GRB10: variants seen among roughly 807,000 people sequenced by gnomAD.
The protein encoded by GRB10 is growth factor receptor bound protein 10.
A neutral mutation model predicts 80.9 loss-of-function variants in GRB10; 20 were observed. The observed-to-expected ratio is 0.25, with a 90% CI of 0.17 to 0.36. The LOEUF (loss-of-function observed/expected upper bound fraction) is 0.36, where lower values mean the gene tolerates loss of function less well. Ranked by LOEUF, GRB10 falls within the 10% of genes least tolerant of loss-of-function variation. The probability of loss-of-function intolerance (pLI) is 1.00; values close to 1 mark genes in which losing one functional copy is unlikely to be tolerated. For synonymous variants in GRB10, 291 were observed against 291.5 expected (o/e 1.00, Z 0.02); for missense variants, 548 against 747.7 (o/e 0.73, Z 3.12).
intron 18 of GRB10, among the ~76,000 whole-genome samples, chr7:50,593,997 T>C (rs892369061): frequency 6.6e-6 from 1 of 151,992 alleles, no homozygotes; most frequent in African/African-American, 2.4e-5. Flanking sequence ...TTTTTTTTAA[T>C]TTACTCATCC....
intron 3 of GRB10, among the ~76,000 whole-genome samples, chr7:50,746,293 C>A (rs911587423): frequency 1.2e-4 from 18 of 152,142 alleles, no homozygotes; most frequent in Non-Finnish European, 2.5e-4. Flanking sequence ...AAACACAAAG[C>A]ATTATTAGAT....
intron 4 of GRB10, among the ~76,000 whole-genome samples, chr7:50,722,265 C>T (rs907332106): frequency 1.3e-5 from 2 of 152,150 alleles, no homozygotes; most frequent in African/African-American, 4.8e-5. Flanking sequence ...CATAAACTTA[C>T]GTTCAAGGAC....
At position 50,604,033 on chromosome 7, in the gene GRB10, G is replaced by T; in HGVS notation, c.1509C>A (p.Ser503=). 1 of 1,614,094 alleles carries T rather than the reference G, an allele frequency of 6.2e-7. No homozygotes were observed. Among genetic ancestry groups the T allele is most frequent in the Non-Finnish European group, 8.5e-7 (1 of 1,179,932 alleles). Reference sequence around the variant, plus strand: ...GCCCTTGCTGTTTAATGATCCTGTGGGATTCCTCCCTGGAGATCCTCCCGT... The same window carrying T: ...GCCCTTGCTGTTTAATGATCCTGTGTGATTCCTCCCTGGAGATCCTCCCGT... ...WFHGRISREE[S]HRIIKQQGLV... The change falls in exon 17 of 19, where the codon TCC becomes TCA. Residue 503 remains serine, a synonymous_variant. Transcript: ENST00000401949.
chr7:50,711,135 A>T, intron 4 of GRB10: 2 of 558,550 alleles, frequency 3.6e-6, no homozygotes, highest in East Asian at 5.7e-5. Flanking sequence ...ACAGGGATCA[A>T]CTTTAAACAT....
At chr7:50,780,810 TC>T (rs2078199343) in intron 1 of GRB10, 74 bp from the exon 2 acceptor site, 1 of 152,172 alleles carries the variant, frequency 6.6e-6, no homozygotes, top group African/African-American at 2.4e-5. Flanking sequence ...AAGTACATAC[TC>T]CAAGAAGCTG....
chr7:50,633,381 C>G (rs530448007), intron 7 of GRB10, among the ~76,000 whole-genome samples: 1 of 152,284 alleles, frequency 6.6e-6, no homozygotes, highest in East Asian at 1.9e-4. Flanking sequence ...ACATACAGAA[C>G]AGTCACATCC....
chr7:50,704,896 C>T lies in GRB10; in HGVS notation c.52-988G>A, dbSNP rs575917839. Among the ~76,000 whole-genome samples, 39 of 152,266 alleles carry T rather than the reference C, an allele frequency of 2.6e-4. 1 individual carries two copies. Among genetic ancestry groups the T allele is most frequent in the Admixed American group, 2.1e-3 (32 of 15,304 alleles). On this transcript the variant is annotated intron_variant, in intron 4 of 18. Coordinates refer to ENST00000401949, the MANE Select transcript of GRB10 (RefSeq NM_001350814.2). ...ACAACCCTCATCACCCAGTGGGTCCCGGCTGTTCTGGGTCTCGAACTACAG... is the reference window on the plus strand; with the variant it reads ...ACAACCCTCATCACCCAGTGGGTCCTGGCTGTTCTGGGTCTCGAACTACAG...
intron 17 of GRB10, 74 bp from the exon 18 acceptor site, chr7:50,595,604 C>G: frequency 1.3e-5 from 5 of 372,806 alleles, no homozygotes; most frequent in South Asian, 2.9e-5. Context: ...CACTCTCTTA[C>G]ACACACACAC....
intron 4 of GRB10, among the ~76,000 whole-genome samples, chr7:50,709,579 C>A (rs79069328): frequency 0.01 from 1,525 of 151,770 alleles, 27 homozygotes; most frequent in African/African-American, 0.033. Flanking sequence ...TCCCCACCCC[C>A]ACCCCGCGCC....
chr7:50,758,273 G>A (rs73115442), intron 2 of GRB10, among the ~76,000 whole-genome samples: 3,397 of 151,966 alleles, frequency 0.022, 58 homozygotes, highest in Non-Finnish European at 0.039. Flanking sequence ...ACGCTGACCC[G>A]GACCACTGGA....
At chr7:50,724,883 C>T (rs2068344679) in intron 4 of GRB10, among the ~76,000 whole-genome samples, 1 of 152,200 alleles carries the variant, frequency 6.6e-6, no homozygotes, top group Non-Finnish European at 1.5e-5. Context: ...GTTCCCTTCC[C>T]TTTGGTAATC....
At chr7:50,622,625 T>C (rs1448998243) in intron 8 of GRB10, among the ~76,000 whole-genome samples, 2 of 152,198 alleles carry the variant, frequency 1.3e-5, no homozygotes, top group African/African-American at 2.4e-5. Context: ...TTAGTATGCC[T>C]GATGTCTACA....
chr7:50,674,036 C>A (rs536328472), intron 6 of GRB10, among the ~76,000 whole-genome samples: 2 of 152,324 alleles, frequency 1.3e-5, no homozygotes, highest in African/African-American at 4.8e-5. Flanking sequence ...GGTTGCACGA[C>A]AAGCTCCAGG....
At chr7:50,653,842 G>A (rs2529419) in intron 7 of GRB10, among the ~76,000 whole-genome samples, 137,434 of 152,292 alleles carry the variant, frequency 0.9, 62,209 homozygotes, top group African/African-American at 0.96. Context: ...AGGGACCTCT[G>A]AAGTACAGGC....
At chr7:50,725,402 C>T (rs907751650) in intron 4 of GRB10, among the ~76,000 whole-genome samples, 1 of 152,174 alleles carries the variant, frequency 6.6e-6, no homozygotes. Flanking sequence ...TCAATTAAAC[C>T]TCATTTCTTT....
chr7:50,599,029 A>G (rs1453559515), intron 17 of GRB10, among the ~76,000 whole-genome samples: 2 of 152,120 alleles, frequency 1.3e-5, no homozygotes, highest in Non-Finnish European at 2.9e-5. Context: ...AGAGAGGACT[A>G]CAGACCTAGA....
intron 7 of GRB10, among the ~76,000 whole-genome samples, chr7:50,643,613 A>G (rs1213162688): frequency 2.0e-5 from 3 of 152,220 alleles, no homozygotes; most frequent in Non-Finnish European, 4.4e-5. Flanking sequence ...CATCTTATTA[A>G]GGGTAAATAT....
intron 8 of GRB10, among the ~76,000 whole-genome samples, chr7:50,623,400 T>C (rs2052250165): frequency 6.6e-6 from 1 of 152,204 alleles, no homozygotes; most frequent in Non-Finnish European, 1.5e-5. Flanking sequence ...GTAGTGAATG[T>C]CCCCAGGAGC....
intron 4 of GRB10, among the ~76,000 whole-genome samples, chr7:50,710,135 C>T (rs1293379591): frequency 6.6e-6 from 1 of 152,096 alleles, no homozygotes; most frequent in African/African-American, 2.4e-5. Context: ...CGTACCTTAC[C>T]CAGCAGCCCT....
Sources: allele counts gnomAD v4.1 joint callset (sites outside exome capture counted in the v4.1 genomes callset), GRCh38; gene constraint gnomAD v4.1.1; transcripts MANE v1.5; gene names NCBI Gene and HGNC (gene_info 2026-07-23, HGNC 2026-07-21).